TRIM26: variants seen among roughly 807,000 people sequenced by gnomAD.
TRIM26 encodes the protein tripartite motif containing 26.
In TRIM26, 16 loss-of-function variants were observed where a neutral mutation model predicts 45.5. The ratio of observed to expected loss-of-function variants is 0.35; its 90% CI spans 0.24 to 0.53. The LOEUF (loss-of-function observed/expected upper bound fraction) is 0.53, where lower values mean the gene tolerates loss of function less well. Among genes scored for constraint, TRIM26 ranks in the 20% least tolerant of loss-of-function variants. The probability of loss-of-function intolerance (pLI) is 0.92; values close to 1 mark genes in which losing one functional copy is unlikely to be tolerated. For missense variants in TRIM26, 442 were observed against 691.1 expected, an observed-to-expected ratio of 0.64 and a Z score of 4.04; for synonymous variants, 273 against 290.4, an observed-to-expected ratio of 0.94 and a Z score of 0.61.
At chr6:30,203,980 G>A (rs1332648589) in intron 2 of TRIM26, among the ~76,000 whole-genome samples, 1 of 152,188 alleles carries the variant, frequency 6.6e-6, no homozygotes, top group Non-Finnish European at 1.5e-5. Context: ...CTGATACAGA[G>A]ATCATGGTGC....
chr6:30,193,182 A>ATATAT (rs9280916), intron 6 of TRIM26, among the ~76,000 whole-genome samples: 17 of 38,820 alleles, frequency 4.4e-4, no homozygotes, highest in South Asian at 1.1e-3. Flanking sequence ...ATATATATAT[A>ATATAT]TTTTTTTTTT....
intron 6 of TRIM26, among the ~76,000 whole-genome samples, chr6:30,191,765 A>C (rs897116406): frequency 4.6e-5 from 7 of 152,354 alleles, no homozygotes; most frequent in Non-Finnish European, 7.3e-5. Flanking sequence ...GACTGGTAGC[A>C]CATTTCTGGC....
rs1776464111 is a variant in TRIM26 at position 30,196,428 on chromosome 6, C to CA, written c.765+87_765+88insT. 1 of 1,333,150 alleles carries CA rather than the reference C, an allele frequency of 7.5e-7. No individual in the cohort carries two copies. The highest frequency in any genetic ancestry group is 1.5e-5 in the African/African-American group (1 of 68,550). The allele number at this position is 1,333,150 out of a possible 1,614,324, so 82.6% of individuals were successfully genotyped here. Reference sequence around the variant, plus strand: ...TGTTTCAGATGACAAAACTGAGCCCCCAAGTCTTCTAAGGTCCTGCAAGTG... The same window carrying CA: ...TGTTTCAGATGACAAAACTGAGCCCCACAAGTCTTCTAAGGTCCTGCAAGTG... On this transcript the variant is annotated intron_variant, in intron 6 of 9. Coordinates refer to ENST00000454678, the MANE Select transcript of TRIM26 (RefSeq NM_003449.5). The surrounding 1 kb of genome is among the most constrained non-coding windows in gnomAD (Gnocchi z 4.9).
chr6:30,205,078 C>T (rs796910171), intron 1 of TRIM26, among the ~76,000 whole-genome samples: 26 of 152,098 alleles, frequency 1.7e-4, no homozygotes, highest in African/African-American at 6.3e-4. Flanking sequence ...CCCATCTCTA[C>T]TAACAATACA....
intron 2 of TRIM26, among the ~76,000 whole-genome samples, chr6:30,204,177 C>T (rs1254031082): frequency 6.6e-6 from 1 of 152,174 alleles, no homozygotes; most frequent in East Asian, 1.9e-4. Flanking sequence ...TCTGAGGAAA[C>T]TGAGGCTCAG....
At chr6:30,203,391 G>A (rs1280151306) in intron 2 of TRIM26, among the ~76,000 whole-genome samples, 2 of 151,660 alleles carry the variant, frequency 1.3e-5, no homozygotes, top group African/African-American at 4.8e-5. Context: ...GTATGAGAAT[G>A]CCTATACTTC....
At chr6:30,195,031 C>T (rs1776316850) in intron 6 of TRIM26, among the ~76,000 whole-genome samples, 1 of 152,170 alleles carries the variant, frequency 6.6e-6, no homozygotes, top group Non-Finnish European at 1.5e-5. Flanking sequence ...TTCAAGCTGA[C>T]ACCATTTTCT....
In TRIM26 at chr6:30,196,784, T is replaced by C. The variant is rs1267475041; in HGVS notation, c.535-38A>G. On this transcript the variant is annotated intron_variant, in intron 5 of 9. Transcript: ENST00000454678. The surrounding 1 kb of genome is among the most constrained non-coding windows in gnomAD (Gnocchi z 4.9). ...GGAAGGGGAGAAGGGCTGACACCTCTGCTCAGGGTGGAGGGCCCAGTGCTG... is the reference window on the plus strand; with the variant it reads ...GGAAGGGGAGAAGGGCTGACACCTCCGCTCAGGGTGGAGGGCCCAGTGCTG... The C allele has an allele frequency of 6.2e-7, 1 of 1,604,760 alleles. No individual in the cohort carries two copies. The highest frequency in any genetic ancestry group is 2.2e-5 in the East Asian group (1 of 44,760).
Position 30,196,836 on chromosome 6 carries a change from C to T in TRIM26, c.535-90G>A. On this transcript the variant is annotated intron_variant, in intron 5 of 9. Coordinates refer to ENST00000454678, the MANE Select transcript of TRIM26 (RefSeq NM_003449.5). This position sits in a 1 kb window ranked among gnomAD's most constrained non-coding sequence, Gnocchi z 4.9. ...AGGTGTGCAAGGCTGGCTCGTTCAC[C>T]TCGCTACCCCCGTTCAGGAATTCTA... is the stretch of plus-strand genomic sequence containing the variant. 7.9e-7 allele frequency: 1 copy of T among 1,268,738 alleles called. No individual in the cohort carries two copies. The highest frequency in any genetic ancestry group is 1.1e-6 in the Non-Finnish European group (1 of 896,056). The allele number at this position is 1,268,738 out of a possible 1,614,324, so 78.6% of individuals were successfully genotyped here. A position where few individuals can be genotyped will look rare whatever the true frequency, so the allele number is the denominator to read the frequency against.
intron 1 of TRIM26, among the ~76,000 whole-genome samples, chr6:30,208,921 T>C (rs1778001802): frequency 7.3e-6 from 1 of 137,338 alleles, no homozygotes; most frequent in African/African-American, 3.3e-5. Flanking sequence ...TGTGTGTGTG[T>C]GTGTGTGTGT....
At chr6:30,199,335 T>C in intron 3 of TRIM26, 71 bp from the exon 4 acceptor site, 2 of 452,722 alleles carry the variant, frequency 4.4e-6, no homozygotes, top group Non-Finnish European at 7.8e-6. Context: ...ATTGTACAGA[T>C]AAGGATATGG....
chr6:30,189,205 G>A lies in TRIM26; in HGVS notation c.905-6C>T, dbSNP rs767879717. Reference sequence around the variant, plus strand: ...CAAGTCTCTCAGCAGCTTCCCTGGGGAGAAAAAAGGACAGCAATGACTCAA... The same window carrying A: ...CAAGTCTCTCAGCAGCTTCCCTGGGAAGAAAAAAGGACAGCAATGACTCAA... On this transcript the variant is annotated splice_region_variant and splice_polypyrimidine_tract_variant and intron_variant, in intron 8 of 9. Coordinates refer to ENST00000454678, the MANE Select transcript of TRIM26 (RefSeq NM_003449.5). The surrounding 1 kb of genome is among the most constrained non-coding windows in gnomAD (Gnocchi z 5.0). The A allele has an allele frequency of 6.2e-7, 1 of 1,612,770 alleles. No homozygotes were observed. Among genetic ancestry groups the A allele is most frequent in the Non-Finnish European group, 8.5e-7 (1 of 1,179,998 alleles).
intron 2 of TRIM26, among the ~76,000 whole-genome samples, chr6:30,201,943 G>A (rs1318472648): frequency 2.6e-5 from 4 of 152,138 alleles, no homozygotes; most frequent in Non-Finnish European, 2.9e-5. Context: ...TTTTTCAGTT[G>A]TAACATACTG....
intron 6 of TRIM26, among the ~76,000 whole-genome samples, chr6:30,193,160 G>GTATATATATATA (rs1343167817): frequency 6.0e-5 from 2 of 33,168 alleles, no homozygotes; most frequent in East Asian, 1.7e-3. Flanking sequence ...GTGTGTGTGT[G>GTATATATATATA]TGTATATATA....
chr6:30,198,454 C>A lies in TRIM26; in HGVS notation c.509G>T (p.Gly170Val). ...CAGCGCGGCCAGGATATCAGCTTCTCCCTTTGCCTGGAAGCCCTGAATTTT... is the reference window on the plus strand; with the variant it reads ...CAGCGCGGCCAGGATATCAGCTTCTACCTTTGCCTGGAAGCCCTGAATTTT... ...RDKIQGFQAKGEADILAALKK... is the reference protein window; with the variant it reads ...RDKIQGFQAKVEADILAALKK... The change falls in exon 5 of 10, where the codon GGA becomes GTA. Residue 170 changes from glycine to valine, a missense_variant. By Grantham distance (109) the Gly-to-Val change is moderately radical. Transcript: ENST00000454678. The surrounding 1 kb of genome is among the most constrained non-coding windows in gnomAD (Gnocchi z 6.3). The A allele has an allele frequency of 1.2e-6, 2 of 1,613,120 alleles. No individual in the cohort carries two copies. Among genetic ancestry groups the A allele is most frequent in the Non-Finnish European group, 1.7e-6 (2 of 1,180,044 alleles).
intron 1 of TRIM26, among the ~76,000 whole-genome samples, chr6:30,210,310 T>C (rs1030475653): frequency 4.1e-4 from 62 of 151,972 alleles, no homozygotes; most frequent in Admixed American, 1.7e-3. Context: ...CCTAATTCTC[T>C]GGCCATTAGA....
At chr6:30,191,774 G>A (rs1231439375) in intron 6 of TRIM26, among the ~76,000 whole-genome samples, 3 of 152,180 alleles carry the variant, frequency 2.0e-5, no homozygotes, top group African/African-American at 7.2e-5. Flanking sequence ...CACATTTCTG[G>A]CCAAGTCCTC....
Position 30,186,684 on chromosome 6 carries a change from A to G in TRIM26, c.938-126T>C. 1 of 1,211,142 alleles carries G rather than the reference A, an allele frequency of 8.3e-7. No homozygotes were observed. Among genetic ancestry groups the G allele is most frequent in the Non-Finnish European group, 1.1e-6 (1 of 895,890 alleles). 75.0% of individuals were successfully genotyped at this position (1,211,142 alleles called of 1,614,324 possible). A position where few individuals can be genotyped will look rare whatever the true frequency, so the allele number is the denominator to read the frequency against. ...AATTAAAGTTGCATACATTAGTAAT[A>G]TAACTCAACATCCTTAATTTGGTAT... On this transcript the variant is annotated intron_variant, in intron 9 of 9. Transcript: ENST00000454678. This position sits in a 1 kb window ranked among gnomAD's most constrained non-coding sequence, Gnocchi z 7.4.
At position 30,186,691 on chromosome 6, in the gene TRIM26, A is replaced by C; in HGVS notation, c.938-133T>G. The C allele has an allele frequency of 5.9e-6, 7 of 1,188,810 alleles. No individual in the cohort carries two copies. The highest frequency in any genetic ancestry group is 6.9e-6 in the Non-Finnish European group (6 of 875,798). 73.6% of individuals were successfully genotyped at this position (1,188,810 alleles called of 1,614,324 possible). ...GTTGCATACATTAGTAATATAACTC[A>C]ACATCCTTAATTTGGTATAAGTGTG... is the stretch of plus-strand genomic sequence containing the variant. On this transcript the variant is annotated intron_variant, in intron 9 of 9. Coordinates refer to ENST00000454678, the MANE Select transcript of TRIM26 (RefSeq NM_003449.5). This position sits in a 1 kb window ranked among gnomAD's most constrained non-coding sequence, Gnocchi z 7.4.
Sources: gnomAD v4.1 joint callset for allele counts (sites outside exome capture counted in the v4.1 genomes callset) on GRCh38, gnomAD v4.1.1 for gene constraint, Gnocchi (gnomAD v3.1) non-coding constraint, MANE v1.5 for transcripts, NCBI Gene and HGNC (gene_info 2026-07-23, HGNC 2026-07-21) for gene names.